Variants in XPO6 observed in about 807,000 individuals in gnomAD.
XPO6 encodes the protein exportin 6.
In XPO6, 3 loss-of-function variants were observed where a neutral mutation model predicts 130.0. The ratio of observed to expected loss-of-function variants is 0.02; its 90% confidence interval spans 0.01 to 0.06. The LOEUF (loss-of-function observed/expected upper bound fraction) is 0.06. Among genes scored for constraint, XPO6 ranks in the 10% least tolerant of loss-of-function variants. The probability of loss-of-function intolerance (pLI) is 1.00; values close to 1 mark genes in which losing one functional copy is unlikely to be tolerated. For synonymous variants in XPO6, 524 were observed against 548.9 expected, an observed-to-expected ratio of 0.95 and a Z score of 0.63; for missense variants, 970 against 1,393.0, an observed-to-expected ratio of 0.70 and a Z score of 4.83.
intron 9 of XPO6, among the ~76,000 whole-genome samples, chr16:28,144,918 T>C (rs889736944): frequency 6.6e-6 from 1 of 152,192 alleles, no homozygotes; most frequent in Non-Finnish European, 1.5e-5. Flanking sequence ...GTCTGTGCGA[T>C]TCCCCGTCAT....
chr16:28,134,254 C>G (rs2141288622), intron 10 of XPO6, among the ~76,000 whole-genome samples: 1 of 152,332 alleles, frequency 6.6e-6, no homozygotes, highest in African/African-American at 2.4e-5. Flanking sequence ...CGGTCCACTA[C>G]TGTATCCCTA....
At chr16:28,160,138 T>C (rs993576483) in intron 6 of XPO6, among the ~76,000 whole-genome samples, 6 of 136,382 alleles carry the variant, frequency 4.4e-5, no homozygotes, top group African/African-American at 1.7e-4. Context: ...TAAGTAGAGA[T>C]TGCACCACTG....
At chr16:28,195,462 G>C (rs1425343346) in intron 1 of XPO6, among the ~76,000 whole-genome samples, 1 of 152,116 alleles carries the variant, frequency 6.6e-6, no homozygotes, top group African/African-American at 2.4e-5. Context: ...AAGGATCCCA[G>C]TCAAACATGG....
rs548720742 is a variant in XPO6 at position 28,166,353 on chromosome 16, C to T, written c.643+155G>A. Among the ~76,000 whole-genome samples the T allele has an allele frequency of 7.2e-5, 11 of 152,214 alleles. No homozygotes were observed. The South Asian group carries it at 2.3e-3, about 32-fold the overall frequency. ...TAATTTTTAAAAACAGAGATAGAGT[C>T]TCACTATGTTGCCCAGGCTGGTCTC... On this transcript the variant is annotated intron_variant, in intron 6 of 23. Transcript: ENST00000304658.
intron 8 of XPO6, among the ~76,000 whole-genome samples, chr16:28,149,325 G>A (rs576403096): frequency 2.0e-5 from 3 of 152,176 alleles, no homozygotes; most frequent in South Asian, 2.1e-4. Flanking sequence ...AGGCGCTGGC[G>A]GCAGGGCATT....
At chr16:28,164,271 G>C (rs2043322366) in intron 6 of XPO6, among the ~76,000 whole-genome samples, 1 of 152,140 alleles carries the variant, frequency 6.6e-6, no homozygotes, top group South Asian at 2.1e-4. Context: ...CTAGAAAACT[G>C]ATACGGTCAA....
chr16:28,194,395 T>A (rs749484920), intron 1 of XPO6, among the ~76,000 whole-genome samples: 4 of 152,204 alleles, frequency 2.6e-5, no homozygotes, highest in Non-Finnish European at 5.9e-5. Flanking sequence ...CAGGCCTCCA[T>A]CTGTGTTCAG....
Position 28,132,286 on chromosome 16 carries a change from A to G in XPO6, c.1606+48T>C. ...GCAGCAGTAATGAAATATCAGTCCG[A>G]TGGTTTTTTGAATGTTTGGTTAAAT... On this transcript the variant is annotated intron_variant, in intron 12 of 23. Coordinates refer to ENST00000304658, the MANE Select transcript of XPO6 (RefSeq NM_015171.4). The surrounding 1 kb of genome is among the most constrained non-coding windows in gnomAD (Gnocchi z 4.0). 1 of 1,405,550 alleles carries G rather than the reference A, an allele frequency of 7.1e-7. No homozygotes were observed. The highest frequency in any genetic ancestry group is 1.0e-6 in the Non-Finnish European group (1 of 1,004,494). 87.1% of individuals were successfully genotyped at this position (1,405,550 alleles called of 1,614,324 possible). A position where few individuals can be genotyped will look rare whatever the true frequency, so the allele number is the denominator to read the frequency against.
intron 1 of XPO6, among the ~76,000 whole-genome samples, chr16:28,184,514 T>C (rs956185734): frequency 6.7e-6 from 1 of 149,336 alleles, no homozygotes; most frequent in Non-Finnish European, 1.5e-5. Context: ...GGAGAGAGTG[T>C]AAAAGAAAGC....
At chr16:28,126,915 C>T (rs1395801086) in intron 12 of XPO6, among the ~76,000 whole-genome samples, 1 of 152,162 alleles carries the variant, frequency 6.6e-6, no homozygotes, top group Non-Finnish European at 1.5e-5. Flanking sequence ...CCTCCCCCTA[C>T]TTCAGTTCTC....
At chr16:28,152,627 T>C (rs374733051) in intron 8 of XPO6, 32 bp downstream of exon 8, 2 of 1,589,538 alleles carry the variant, frequency 1.3e-6, no homozygotes, top group African/African-American at 2.7e-5. Context: ...AAACCTTTTC[T>C]CTGGAAGGGA....
chr16:28,108,457 C>T (rs896539351), intron 17 of XPO6, among the ~76,000 whole-genome samples: 1 of 152,160 alleles, frequency 6.6e-6, no homozygotes, highest in African/African-American at 2.4e-5. Context: ...CCGACAACCC[C>T]ACTCTGGCAG....
intron 21 of XPO6, among the ~76,000 whole-genome samples, chr16:28,103,341 G>C (rs913278187): frequency 1.3e-5 from 2 of 152,140 alleles, no homozygotes; most frequent in African/African-American, 4.8e-5. Context: ...GCTTATTGCC[G>C]AGTGCCAGTC....
intron 6 of XPO6, among the ~76,000 whole-genome samples, chr16:28,163,867 C>T (rs775342361): frequency 1.3e-5 from 2 of 152,156 alleles, no homozygotes; most frequent in Non-Finnish European, 2.9e-5. Context: ...TGCTCACTGG[C>T]GATGCAACCC....
chr16:28,138,324 C>T (rs573388911), intron 9 of XPO6, among the ~76,000 whole-genome samples: 1 of 152,274 alleles, frequency 6.6e-6, no homozygotes, highest in East Asian at 1.9e-4. Flanking sequence ...AGAAAATCTA[C>T]TTCAGACCAG....
intron 1 of XPO6, among the ~76,000 whole-genome samples, chr16:28,203,229 T>G (rs1324100791): frequency 4.0e-5 from 6 of 151,364 alleles, no homozygotes; most frequent in Non-Finnish European, 8.8e-5. Flanking sequence ...TAAGACATGA[T>G]TGCTCCACTG....
At chr16:28,175,396 C>T (rs932380631) in intron 4 of XPO6, among the ~76,000 whole-genome samples, 1 of 152,138 alleles carries the variant, frequency 6.6e-6, no homozygotes, top group Non-Finnish European at 1.5e-5. Context: ...ACAATGGAAC[C>T]CCCCAACCCT....
rs1490435375 is a variant in XPO6 at position 28,132,272 on chromosome 16, G to C, written c.1606+62C>G. 2.5e-5 allele frequency: 32 copies of C among 1,286,160 alleles called. No homozygotes were observed. The highest frequency in any genetic ancestry group is 3.4e-5 in the Non-Finnish European group (31 of 902,626). 79.7% of individuals were successfully genotyped at this position (1,286,160 alleles called of 1,614,324 possible). On this transcript the variant is annotated intron_variant, in intron 12 of 23. Coordinates refer to ENST00000304658, the MANE Select transcript of XPO6 (RefSeq NM_015171.4). This position sits in a 1 kb window ranked among gnomAD's most constrained non-coding sequence, Gnocchi z 4.0. ...TTCCGACAGCAACGGCAGCAGTAAT[G>C]AAATATCAGTCCGATGGTTTTTTGA...
intron 1 of XPO6, among the ~76,000 whole-genome samples, chr16:28,191,044 G>A (rs776655251): frequency 8.5e-5 from 13 of 152,096 alleles, no homozygotes; most frequent in African/African-American, 1.4e-4. Context: ...TCCACTGGCC[G>A]GTACCCTCTA....
Sources: allele counts gnomAD v4.1 joint callset (sites outside exome capture counted in the v4.1 genomes callset), GRCh38; gene constraint gnomAD v4.1.1; non-coding constraint Gnocchi (gnomAD v3.1); transcripts MANE v1.5; gene names NCBI Gene and HGNC (gene_info 2026-07-23, HGNC 2026-07-21).